SMARCA2: variants seen among roughly 807,000 people sequenced by gnomAD.
SMARCA2 encodes the protein SWI/SNF-related matrix-associated actin-dependent regulator of chromatin subfamily A member 2.
SMARCA2 carries 61 observed loss-of-function variants against 199.8 expected under a neutral mutation model. The observed-to-expected ratio is 0.31, with a 90% CI of 0.25 to 0.38. The LOEUF is 0.38. SMARCA2 is among the 10% of genes least tolerant of loss of function. The probability of loss-of-function intolerance (pLI) is 1.00; values close to 1 mark genes in which losing one functional copy is unlikely to be tolerated. For synonymous variants in SMARCA2, 935 were observed against 732.0 expected, an observed-to-expected ratio of 1.28 and a Z score of -4.48; for missense variants, 1,344 against 2,012.2, an observed-to-expected ratio of 0.67 and a Z score of 6.35.
chr9:2,079,988 C>G (rs1306449517), intron 14 of SMARCA2: 1 of 152,248 alleles, frequency 6.6e-6, no homozygotes, highest in Non-Finnish European at 1.5e-5. Context: ...TGCAGTGTCT[C>G]TCTGGATTTA....
chr9:2,035,481 C>T (rs778245608), intron 3 of SMARCA2, among the ~76,000 whole-genome samples: 1 of 152,148 alleles, frequency 6.6e-6, no homozygotes, highest in African/African-American at 2.4e-5. Flanking sequence ...AAAACTAAAA[C>T]CACTTTAAAT....
intron 27 of SMARCA2, among the ~76,000 whole-genome samples, chr9:2,125,715 C>T (rs1823658609): frequency 6.6e-6 from 1 of 152,108 alleles, no homozygotes; most frequent in African/African-American, 2.4e-5. Flanking sequence ...GTCTCAAACT[C>T]CTGAGCTCGG....
At chr9:2,047,123 C>G in intron 4 of SMARCA2, 106 bp from the exon 5 acceptor site, 1 of 801,020 alleles carries the variant, frequency 1.2e-6, no homozygotes, top group Non-Finnish European at 1.5e-6. Context: ...GTGTTTAAGA[C>G]ACTTAATGGT....
intron 16 of SMARCA2, 31 bp downstream of exon 16, chr9:2,083,444 G>C (rs755479936): frequency 2.8e-5 from 40 of 1,428,806 alleles, no homozygotes; most frequent in Non-Finnish European, 1.8e-5. Flanking sequence ...ATATAAATGT[G>C]GAAAAGCAAA....
intron 4 of SMARCA2, 194 bp downstream of exon 4, chr9:2,040,094 G>A: frequency 8.8e-7 from 1 of 1,130,680 alleles, no homozygotes; most frequent in Admixed American, 2.9e-5. Context: ...CTAGGGCAGT[G>A]TTTCTTAACC....
At chr9:2,071,557 T>C (rs941789248) in intron 10 of SMARCA2, among the ~76,000 whole-genome samples, 16 of 152,224 alleles carry the variant, frequency 1.1e-4, no homozygotes, top group Admixed American at 4.6e-4. Flanking sequence ...GAAAATTAGC[T>C]ACTGATCTTG....
intron 4 of SMARCA2, chr9:2,040,185 T>C (rs970055864): frequency 3.2e-6 from 2 of 615,902 alleles, no homozygotes; most frequent in Middle Eastern, 4.3e-4. Context: ...GTTCAAGGTT[T>C]CTTGGAAGCC....
In SMARCA2 at chr9:2,060,912, C is replaced by T. The variant is rs1158595414; in HGVS notation, c.1618C>T (p.Leu540=). 3.1e-6 allele frequency: 5 copies of T among 1,614,092 alleles called. No homozygotes were observed. The Admixed American group carries it at 5.0e-5, about 16-fold the overall frequency. ...GCAGACCGATGAGTATGTAGCCAAT[C>T]TGACCAATCTGGTTTGGGAGCACAA... ...LQQTDEYVAN[L]TNLVWEHKQA... The change falls in exon 9 of 34, where the codon CTG becomes TTG. Residue 540 remains leucine, a synonymous_variant. Coordinates refer to ENST00000349721, the MANE Select transcript of SMARCA2 (RefSeq NM_003070.5).
At chr9:2,038,797 G>A (rs1277567368) in intron 3 of SMARCA2, among the ~76,000 whole-genome samples, 1 of 152,158 alleles carries the variant, frequency 6.6e-6, no homozygotes, top group Non-Finnish European at 1.5e-5. Flanking sequence ...GAACCCAACT[G>A]TGACAGTTGA....
intron 9 of SMARCA2, among the ~76,000 whole-genome samples, chr9:2,067,469 C>T (rs1030814289): frequency 1.8e-4 from 28 of 152,126 alleles, no homozygotes; most frequent in Admixed American, 3.9e-4. Context: ...AAGAATAGTC[C>T]TCGGACTATC....
intron 27 of SMARCA2, among the ~76,000 whole-genome samples, chr9:2,148,105 T>A (rs1360728302): frequency 6.6e-6 from 1 of 151,820 alleles, no homozygotes; most frequent in Non-Finnish European, 1.5e-5. Context: ...TTGCTGCTGC[T>A]GTTTTTAAAG....
chr9:2,058,082 A>G (rs1203932072), intron 7 of SMARCA2: 1 of 484,926 alleles, frequency 2.1e-6, no homozygotes, highest in Non-Finnish European at 3.7e-6. Context: ...AGCTTACAAC[A>G]AAAGGAACCC....
intron 24 of SMARCA2, among the ~76,000 whole-genome samples, chr9:2,113,918 T>G (rs1445778917): frequency 6.6e-6 from 1 of 152,238 alleles, no homozygotes; most frequent in Non-Finnish European, 1.5e-5. Context: ...TTTTCACTTT[T>G]TAAAGTATAA....
chr9:2,168,709 A>G (rs1826071069), intron 28 of SMARCA2, among the ~76,000 whole-genome samples: 1 of 152,232 alleles, frequency 6.6e-6, no homozygotes, highest in Admixed American at 6.5e-5. Context: ...AATCTATGTC[A>G]TTATGTAGTT....
chr9:2,076,202 T>C, intron 12 of SMARCA2, 27 bp from the exon 13 acceptor site: 1 of 1,206,610 alleles, frequency 8.3e-7, no homozygotes, highest in Non-Finnish European at 1.2e-6. Context: ...AAATATAATT[T>C]CCTCCCTATC....
chr9:2,078,106 G>A (rs1009431597), intron 14 of SMARCA2, among the ~76,000 whole-genome samples: 3 of 152,128 alleles, frequency 2.0e-5, no homozygotes, highest in African/African-American at 4.8e-5. Flanking sequence ...AAATTTTTAG[G>A]TGTGGCTGTG....
Position 2,083,333 on chromosome 9 carries a change from T to A in SMARCA2, c.2349-14T>A, listed in dbSNP as rs746532001. 2 of 1,536,394 alleles carry A rather than the reference T, an allele frequency of 1.3e-6. No homozygotes were observed. Among genetic ancestry groups the A allele is most frequent in the Admixed American group, 4.2e-5 (2 of 47,204 alleles). On this transcript the variant is annotated splice_polypyrimidine_tract_variant and intron_variant, in intron 15 of 33. Transcript: ENST00000349721. ...AATGTCTTTTTTCTGTTGTTTTTTT[T>A]TTTTGTTCCATAGGACTCTATCTAA...
chr9:2,089,084 CAG>C (rs1821934594), intron 19 of SMARCA2, among the ~76,000 whole-genome samples: 1 of 152,088 alleles, frequency 6.6e-6, no homozygotes, highest in African/African-American at 2.4e-5. Context: ...AGTGAAAAAA[CAG>C]AGTTCCTGCA....
At chr9:2,175,212 G>A (rs1826495360) in intron 29 of SMARCA2, among the ~76,000 whole-genome samples, 1 of 152,134 alleles carries the variant, frequency 6.6e-6, no homozygotes, top group Admixed American at 6.5e-5. Flanking sequence ...GTGAGAAAGA[G>A]GGCAGAAAAG....
Sources: allele counts gnomAD v4.1 joint callset (sites outside exome capture counted in the v4.1 genomes callset), GRCh38; gene constraint gnomAD v4.1.1; transcripts MANE v1.5; gene names NCBI Gene and HGNC (gene_info 2026-07-23, HGNC 2026-07-21).